RAB31: variants seen among roughly 807,000 people sequenced by gnomAD.
The protein encoded by RAB31 is RAB31, member RAS oncogene family.
RAB31 carries 21 observed loss-of-function variants against 25.6 expected under a neutral mutation model. That is an observed-to-expected ratio of 0.82 (90% confidence interval 0.58 to 1.18). The LOEUF is 1.18. Among genes scored for constraint, RAB31 ranks in the 50% most tolerant of loss-of-function variants. The pLI is 0.00. For missense variants in RAB31, 196 were observed against 250.1 expected, an observed-to-expected ratio of 0.78 and a Z score of 1.46; for synonymous variants, 87 against 84.0, an observed-to-expected ratio of 1.04 and a Z score of -0.20.
chr18:9,760,787 G>C (rs1386315510), intron 1 of RAB31, among the ~76,000 whole-genome samples: 2 of 152,214 alleles, frequency 1.3e-5, no homozygotes, highest in Admixed American at 1.3e-4. Context: ...GGTGAGATGG[G>C]AGGAACTGAA....
chr18:9,841,212 G>A (rs111584028), intron 5 of RAB31, among the ~76,000 whole-genome samples: 7,759 of 151,480 alleles, frequency 0.051, 219 homozygotes, highest in East Asian at 0.09. Flanking sequence ...GATTACAGGC[G>A]TGAGCCACTG....
chr18:9,761,590 A>G (rs2068288982), intron 1 of RAB31, among the ~76,000 whole-genome samples: 1 of 152,118 alleles, frequency 6.6e-6, no homozygotes, highest in Non-Finnish European at 1.5e-5. Flanking sequence ...CTGGGCCTGC[A>G]GTCATCTCAT....
At chr18:9,761,879 C>G (rs1233697468) in intron 1 of RAB31, among the ~76,000 whole-genome samples, 2 of 152,206 alleles carry the variant, frequency 1.3e-5, no homozygotes, top group African/African-American at 4.8e-5. Context: ...GTGATCTTGG[C>G]TCACTGCAAC....
At chr18:9,748,668 G>A (rs907337293) in intron 1 of RAB31, among the ~76,000 whole-genome samples, 8 of 151,836 alleles carry the variant, frequency 5.3e-5, no homozygotes, top group South Asian at 2.1e-4. Flanking sequence ...CGAGGCGGGC[G>A]GATCACGAGC....
At chr18:9,757,532 T>G (rs1294583938) in intron 1 of RAB31, among the ~76,000 whole-genome samples, 1 of 152,204 alleles carries the variant, frequency 6.6e-6, no homozygotes, top group African/African-American at 2.4e-5. Context: ...TTTGGTCAAC[T>G]CTAGTCCAGA....
intron 1 of RAB31, among the ~76,000 whole-genome samples, chr18:9,729,801 T>C (rs1225117226): frequency 6.6e-6 from 1 of 152,212 alleles, no homozygotes; most frequent in Non-Finnish European, 1.5e-5. Flanking sequence ...TATGTTCTAT[T>C]AAAATTTTAA....
chr18:9,723,491 T>A (rs2068082308), intron 1 of RAB31: 1 of 152,174 alleles, frequency 6.6e-6, no homozygotes, highest in African/African-American at 2.4e-5. Flanking sequence ...ATGAGTTATA[T>A]ATATTATTTT....
chr18:9,776,949 G>A (rs1211791363), intron 2 of RAB31, among the ~76,000 whole-genome samples: 1 of 152,152 alleles, frequency 6.6e-6, no homozygotes, highest in African/African-American at 2.4e-5. Flanking sequence ...ACGCTCAAAG[G>A]TAATACTCAA....
intron 1 of RAB31, among the ~76,000 whole-genome samples, chr18:9,754,772 G>A (rs1484651263): frequency 6.6e-6 from 1 of 152,168 alleles, no homozygotes; most frequent in Non-Finnish European, 1.5e-5. Context: ...GTATCTGCAA[G>A]AGGTCCTGGA....
chr18:9,780,400 A>G (rs1362329335), intron 2 of RAB31, among the ~76,000 whole-genome samples: 2 of 152,182 alleles, frequency 1.3e-5, no homozygotes, highest in Admixed American at 1.3e-4. Flanking sequence ...ACTGAAAATG[A>G]AAAAAACATG....
intron 1 of RAB31, among the ~76,000 whole-genome samples, chr18:9,745,843 G>A (rs956846444): frequency 6.6e-6 from 1 of 152,216 alleles, no homozygotes; most frequent in African/African-American, 2.4e-5. Flanking sequence ...AGACTTGAAA[G>A]CGTTTCCTCA....
At chr18:9,777,796 C>T (rs1355785046) in intron 2 of RAB31, among the ~76,000 whole-genome samples, 1 of 149,630 alleles carries the variant, frequency 6.7e-6, no homozygotes, top group Non-Finnish European at 1.5e-5. Flanking sequence ...GCTCTGTCGC[C>T]CATGCTAGAG....
chr18:9,789,004 A>G (rs4798853), intron 2 of RAB31, among the ~76,000 whole-genome samples: 29,622 of 152,178 alleles, frequency 0.19, 3,192 homozygotes, highest in East Asian at 0.36. Flanking sequence ...GAATTAATGG[A>G]TAAAGAAAAT....
intron 5 of RAB31, among the ~76,000 whole-genome samples, chr18:9,840,279 C>G (rs1304113111): frequency 6.6e-6 from 1 of 152,190 alleles, no homozygotes; most frequent in Non-Finnish European, 1.5e-5. Flanking sequence ...AAAACTAACT[C>G]TCTGCATGTT....
intron 1 of RAB31, among the ~76,000 whole-genome samples, chr18:9,757,673 T>C (rs2068266779): frequency 6.6e-6 from 1 of 152,184 alleles, no homozygotes; most frequent in South Asian, 2.1e-4. Flanking sequence ...TGGACATGTG[T>C]GTGCACATGT....
intron 5 of RAB31, among the ~76,000 whole-genome samples, chr18:9,821,626 C>A (rs10468661): frequency 6.6e-6 from 1 of 151,798 alleles, no homozygotes; most frequent in African/African-American, 2.4e-5. Flanking sequence ...ACAAAAGCAA[C>A]GTGGAAAAAT....
At chr18:9,768,854 C>T (rs184523205) in intron 1 of RAB31, among the ~76,000 whole-genome samples, 1 of 152,290 alleles carries the variant, frequency 6.6e-6, no homozygotes, top group African/African-American at 2.4e-5. Context: ...TTTAATCCAT[C>T]TTGAGTTAAC....
intron 5 of RAB31, among the ~76,000 whole-genome samples, chr18:9,829,851 TATTGG>T (rs1249834239): frequency 3.3e-5 from 5 of 152,156 alleles, no homozygotes; most frequent in Admixed American, 2.6e-4. Flanking sequence ...CATTTTTTTC[TATTGG>T]ATTGTTTACC....
intron 5 of RAB31, among the ~76,000 whole-genome samples, chr18:9,840,960 C>G (rs2068730328): frequency 1.3e-5 from 2 of 152,152 alleles, no homozygotes; most frequent in Non-Finnish European, 2.9e-5. Flanking sequence ...CAGTATCTCA[C>G]TCTGTTACCC....
Sources: allele counts gnomAD v4.1 joint callset (sites outside exome capture counted in the v4.1 genomes callset), GRCh38; gene constraint gnomAD v4.1.1; transcripts MANE v1.5; gene names NCBI Gene and HGNC (gene_info 2026-07-23, HGNC 2026-07-21).